The following ARID1B variants were observed in gnomAD, a reference collection of about 807,000 sequenced individuals.
The protein encoded by ARID1B is AT-rich interactive domain-containing protein 1B.
Under a neutral mutation model 212.3 loss-of-function variants are expected in ARID1B, and 30 were observed. That is an observed-to-expected ratio of 0.14 (90% confidence interval 0.11 to 0.19). The LOEUF is 0.19. ARID1B is among the 10% of genes least tolerant of loss of function. ARID1B has a pLI of 1.00. For missense variants in ARID1B, 2,891 were observed against 3,204.0 expected (o/e 0.90, Z 2.36); for synonymous variants, 1,402 against 1,301.7 (o/e 1.08, Z -1.66).
chr6:157,133,086 A>G lies in ARID1B; in HGVS notation c.2640A>G (p.Thr880=). The G allele has an allele frequency of 6.2e-7, 1 of 1,614,156 alleles. No individual in the cohort carries two copies. The highest frequency in any genetic ancestry group is 8.5e-7 in the Non-Finnish European group (1 of 1,180,038). ...TGGCTCAGTATGGACCTCAACAGAC[A>G]GGACCATCCATGTCGCCTCATCCTT... is the stretch of plus-strand genomic sequence containing the variant. The part of the protein sequence containing the change: ...PQMAQYGPQQ[T]GPSMSPHPSP... Residue 880 remains threonine, a synonymous_variant, in exon 7 of 20, where the codon ACA becomes ACG. Transcript: ENST00000636930.
intron 3 of ARID1B, among the ~76,000 whole-genome samples, chr6:156,934,961 T>TATATAG (rs1235681331): frequency 4.4e-5 from 4 of 90,440 alleles, no homozygotes; most frequent in African/African-American, 1.7e-4. Flanking sequence ...TATATATATA[T>TATATAG]AGTTTATATT....
intron 1 of ARID1B, among the ~76,000 whole-genome samples, chr6:156,813,812 A>G (rs531860615): frequency 6.6e-6 from 1 of 152,228 alleles, no homozygotes; most frequent in South Asian, 2.1e-4. Context: ...CCTTATCAAT[A>G]CTTAGGGCAT....
chr6:156,824,750 G>A (rs1321595053), intron 1 of ARID1B, among the ~76,000 whole-genome samples: 1 of 152,134 alleles, frequency 6.6e-6, no homozygotes, highest in African/African-American at 2.4e-5. Context: ...GGGTGACAGA[G>A]CGAGACCCTG....
At chr6:157,156,372 T>C (rs1480244750) in intron 8 of ARID1B, among the ~76,000 whole-genome samples, 1 of 152,206 alleles carries the variant, frequency 6.6e-6, no homozygotes, top group Non-Finnish European at 1.5e-5. Flanking sequence ...TTTTAGCCCC[T>C]TTTTTCTCTT....
chr6:156,859,739 T>C (rs913461967), intron 2 of ARID1B, among the ~76,000 whole-genome samples: 23 of 152,258 alleles, frequency 1.5e-4, no homozygotes, highest in Non-Finnish European at 3.1e-4. Flanking sequence ...TGCAGTTATT[T>C]CTTTACCACT....
intron 7 of ARID1B, among the ~76,000 whole-genome samples, chr6:157,143,227 T>C (rs1789496132): frequency 6.6e-6 from 1 of 152,120 alleles, no homozygotes; most frequent in Admixed American, 6.5e-5. Context: ...CCAGCTGAGG[T>C]GGGCTGGCCC....
chr6:156,864,115 G>T (rs975264720), intron 2 of ARID1B, among the ~76,000 whole-genome samples: 1 of 152,084 alleles, frequency 6.6e-6, no homozygotes, highest in Admixed American at 6.5e-5. Flanking sequence ...GACTGGAAAT[G>T]ACTTGTGAGA....
At chr6:157,134,451 G>T (rs1362968300) in intron 7 of ARID1B, among the ~76,000 whole-genome samples, 1 of 152,216 alleles carries the variant, frequency 6.6e-6, no homozygotes, top group East Asian at 1.9e-4. Context: ...GAAAGCAAAC[G>T]TCTGTATAGA....
intron 2 of ARID1B, among the ~76,000 whole-genome samples, chr6:156,865,075 T>C (rs1408927332): frequency 2.6e-5 from 4 of 152,224 alleles, no homozygotes; most frequent in Admixed American, 2.6e-4. Context: ...CTTCCTATCC[T>C]AGAGATTTCT....
intron 1 of ARID1B, among the ~76,000 whole-genome samples, chr6:156,825,168 T>A (rs1452372934): frequency 1.3e-5 from 2 of 152,124 alleles, no homozygotes; most frequent in Admixed American, 1.3e-4. Context: ...CTTGGCCAAT[T>A]TTTAGTTTCT....
At chr6:157,018,901 G>C (rs1211539508) in intron 4 of ARID1B, among the ~76,000 whole-genome samples, 1 of 152,154 alleles carries the variant, frequency 6.6e-6, no homozygotes, top group Non-Finnish European at 1.5e-5. Flanking sequence ...TGGGGGGTCA[G>C]GGAAGACTTG....
chr6:156,860,539 C>T (rs1020745168), intron 2 of ARID1B, among the ~76,000 whole-genome samples: 1 of 152,086 alleles, frequency 6.6e-6, no homozygotes, highest in African/African-American at 2.4e-5. Flanking sequence ...TATTACTATA[C>T]TCTAGAACTG....
intron 7 of ARID1B, among the ~76,000 whole-genome samples, chr6:157,135,962 CT>C (rs914954835): frequency 4.4e-4 from 55 of 125,410 alleles, no homozygotes; most frequent in African/African-American, 1.6e-3. Context: ...TCTGGTTTTG[CT>C]TTTTTAAAGA....
intron 4 of ARID1B, among the ~76,000 whole-genome samples, chr6:157,051,403 C>T (rs899123971): frequency 2.0e-5 from 3 of 151,600 alleles, no homozygotes; most frequent in Admixed American, 6.6e-5. Context: ...TAAATGCTAA[C>T]GGAAAATGCA....
intron 4 of ARID1B, among the ~76,000 whole-genome samples, chr6:157,026,406 T>C (rs1178827095): frequency 6.6e-6 from 1 of 152,222 alleles, no homozygotes; most frequent in Non-Finnish European, 1.5e-5. Flanking sequence ...TAAAGTGACT[T>C]TATTATTTAA....
chr6:156,794,854 A>C (rs1418145077), intron 1 of ARID1B, among the ~76,000 whole-genome samples: 3 of 152,126 alleles, frequency 2.0e-5, no homozygotes, highest in African/African-American at 7.2e-5. Context: ...GTCTGGGATT[A>C]CAGGCGTGAA....
At chr6:157,021,505 G>T (rs1780257763) in intron 4 of ARID1B, among the ~76,000 whole-genome samples, 1 of 152,214 alleles carries the variant, frequency 6.6e-6, no homozygotes, top group African/African-American at 2.4e-5. Context: ...CCGGGCGGGG[G>T]TTCCGGTGCC....
intron 2 of ARID1B, among the ~76,000 whole-genome samples, chr6:156,854,667 C>A (rs762638760): frequency 1.1e-4 from 16 of 152,250 alleles, no homozygotes; most frequent in African/African-American, 3.6e-4. Context: ...CCGCACCCAT[C>A]CCGGCCATCC....
chr6:156,879,742 C>G (rs1786886906), intron 2 of ARID1B, among the ~76,000 whole-genome samples: 3 of 152,162 alleles, frequency 2.0e-5, no homozygotes, highest in South Asian at 4.1e-4. Flanking sequence ...AAAGTCAACT[C>G]TTGCTGGGAG....
Sources: allele counts gnomAD v4.1 joint callset (sites outside exome capture counted in the v4.1 genomes callset), GRCh38; gene constraint gnomAD v4.1.1; transcripts MANE v1.5; gene names NCBI Gene and HGNC (gene_info 2026-07-23, HGNC 2026-07-21).